The following ZBTB17 variants were observed in gnomAD, a reference collection of about 807,000 sequenced individuals.
ZBTB17 encodes the protein zinc finger and BTB domain containing 17.
ZBTB17 carries 24 observed loss-of-function variants against 85.1 expected under a neutral mutation model. The observed-to-expected ratio is 0.28, with a 90% CI of 0.20 to 0.40. ZBTB17 has a LOEUF of 0.40. Among genes scored for constraint, ZBTB17 ranks in the 10% least tolerant of loss-of-function variants. The probability of loss-of-function intolerance (pLI) is 1.00; values close to 1 mark genes in which losing one functional copy is unlikely to be tolerated. For missense variants in ZBTB17, 743 were observed against 1,105.1 expected (o/e 0.67, Z 4.65); for synonymous variants, 464 against 460.2 (o/e 1.01, Z -0.11).
rs1255813867 is a variant in ZBTB17, at chr1:15,964,437, G to A, written c.-3+8602C>T. ...AAATGTAATCTAACATGACAATGGG[G>A]CCAGGCAAGATGGCTCACGCCTGTA... On this transcript the variant is annotated intron_variant, in intron 2 of 15. Coordinates refer to ENST00000375743, the MANE Select transcript of ZBTB17 (RefSeq NM_003443.3). The surrounding 1 kb of genome is among the most constrained non-coding windows in gnomAD (Gnocchi z 4.3). Among the ~76,000 whole-genome samples the A allele has an allele frequency of 2.0e-5, 3 of 152,360 alleles. No homozygotes were observed. The highest frequency in any genetic ancestry group is 2.0e-4 in the Admixed American group (3 of 15,310).
chr1:15,956,168 A>T (rs960694723), intron 2 of ZBTB17, among the ~76,000 whole-genome samples: 24 of 152,348 alleles, frequency 1.6e-4, no homozygotes, highest in African/African-American at 5.5e-4. Flanking sequence ...CAAGGCACAC[A>T]CACCCATCAG....
rs534017413 is a variant in ZBTB17, at chr1:15,964,942, C to T, written c.-3+8097G>A. ...CAGCCTGGCCAAGATGCTGAAACCC[C>T]GTCTACTAAAAATAAAAAAAAATTA... On this transcript the variant is annotated intron_variant, in intron 2 of 15. Transcript: ENST00000375743. This position sits in a 1 kb window ranked among gnomAD's most constrained non-coding sequence, Gnocchi z 4.3. Among the ~76,000 whole-genome samples, 18 of 151,810 alleles carry T rather than the reference C, an allele frequency of 1.2e-4. No homozygotes were observed. Among genetic ancestry groups the T allele is most frequent in the African/African-American group, 4.1e-4 (17 of 41,382 alleles).
At chr1:15,972,186 G>A (rs925195642) in intron 2 of ZBTB17, among the ~76,000 whole-genome samples, 2 of 152,172 alleles carry the variant, frequency 1.3e-5, no homozygotes, top group African/African-American at 2.4e-5. Context: ...ACCTGCTCCC[G>A]GGATTCAGTC....
intron 2 of ZBTB17, among the ~76,000 whole-genome samples, chr1:15,956,049 T>A (rs1210025488): frequency 3.3e-5 from 5 of 152,228 alleles, no homozygotes; most frequent in African/African-American, 1.2e-4. Context: ...ACTGTGCTAG[T>A]ACGCATACCA....
intron 6 of ZBTB17, among the ~76,000 whole-genome samples, chr1:15,945,431 G>A (rs1169966056): frequency 1.3e-5 from 2 of 152,234 alleles, no homozygotes; most frequent in African/African-American, 2.4e-5. Flanking sequence ...TGCCGTGGGT[G>A]GCAAGGCACC....
intron 2 of ZBTB17, among the ~76,000 whole-genome samples, chr1:15,950,265 C>T (rs2071784597): frequency 6.6e-6 from 1 of 152,224 alleles, no homozygotes. Context: ...TGAAGGAACG[C>T]AAGGGAGAAT....
rs1282868203 is a variant in ZBTB17 at position 15,942,536 on chromosome 1, C to G, written c.2031G>C (p.Gln677His). Reference protein sequence around the residue: ...TEALAATAVTQLTVVPVGAAV... With the variant: ...TEALAATAVTHLTVVPVGAAV... Reference sequence around the variant, plus strand: ...GCTGCCCACAGCCCGCACCTGTGAGCTGAGTGACGGCTGTCGCTGCCAGTG... The same window carrying G: ...GCTGCCCACAGCCCGCACCTGTGAGGTGAGTGACGGCTGTCGCTGCCAGTG... Residue 677 changes from glutamine (Q) to histidine (H), a missense_variant, in exon 14 of 16, where the codon CAG becomes CAC. By Grantham distance (24) the Gln-to-His change is conservative (BLOSUM62 0). Coordinates refer to ENST00000375743, the MANE Select transcript of ZBTB17 (RefSeq NM_003443.3). 1.9e-6 allele frequency: 3 copies of G among 1,610,862 alleles called. No individual in the cohort carries two copies. The highest frequency in any genetic ancestry group is 2.5e-6 in the Non-Finnish European group (3 of 1,179,972).
intron 5 of ZBTB17, 79 bp from the exon 6 acceptor site, chr1:15,945,919 G>A: frequency 1.3e-6 from 2 of 1,565,152 alleles, no homozygotes; most frequent in Non-Finnish European, 1.7e-6. Context: ...CAGCGCGCTG[G>A]TGGTGGCTGC....
At chr1:15,944,116 C>T (rs2071480873) in intron 9 of ZBTB17, 184 bp downstream of exon 9, 2 of 1,093,620 alleles carry the variant, frequency 1.8e-6, no homozygotes, top group African/African-American at 3.1e-5. Context: ...TCGGCCTGCC[C>T]TCCGCAGAGC....
chr1:15,943,982 ACT>A (rs1375265865), intron 9 of ZBTB17, 87 bp from the exon 10 acceptor site: 1 of 1,317,732 alleles, frequency 7.6e-7, no homozygotes, highest in Non-Finnish European at 1.1e-6. Context: ...GGAACAATTG[ACT>A]CTCAGGCTTG....
intron 2 of ZBTB17, among the ~76,000 whole-genome samples, chr1:15,957,561 G>T (rs2072095113): frequency 2.6e-5 from 4 of 152,246 alleles, no homozygotes; most frequent in Admixed American, 2.0e-4. Context: ...TGCCTTGGGA[G>T]TGACGAAGAG....
Position 15,953,836 on chromosome 1 carries a change from G to A in ZBTB17, c.-2-5339C>T, listed in dbSNP as rs1226029949. Among the ~76,000 whole-genome samples, 1 of 152,214 alleles carries A rather than the reference G, an allele frequency of 6.6e-6. No individual in the cohort carries two copies. Among genetic ancestry groups the A allele is most frequent in the African/African-American group, 2.4e-5 (1 of 41,442 alleles). The stretch of plus-strand genomic sequence containing the variant: ...TGACAGGATTAAATTAAGTAACATA[G>A]GTCAAGACCCTGTACAGAGCCTGGC... On this transcript the variant is annotated intron_variant, in intron 2 of 15. Transcript: ENST00000375743. This position sits in a 1 kb window ranked among gnomAD's most constrained non-coding sequence, Gnocchi z 5.1.
At chr1:15,945,339 T>TG in intron 6 of ZBTB17, 137 bp from the exon 7 acceptor site, 1 of 1,437,242 alleles carries the variant, frequency 7.0e-7, no homozygotes, top group African/African-American at 1.4e-5. Context: ...GCCTGTGAAC[T>TG]GGGTATTTGC....
At chr1:15,949,964 G>A (rs1443168801) in intron 2 of ZBTB17, among the ~76,000 whole-genome samples, 5 of 152,228 alleles carry the variant, frequency 3.3e-5, no homozygotes, top group Non-Finnish European at 5.9e-5. Context: ...CAAGTTCAGC[G>A]TTGCTGCTGC....
chr1:15,943,944 G>A (rs755440601), intron 9 of ZBTB17, 49 bp from the exon 10 acceptor site: 81 of 1,528,054 alleles, frequency 5.3e-5, no homozygotes, highest in African/African-American at 3.4e-4. Context: ...GCTCGGCCCC[G>A]GGCCCCCTCA....
intron 2 of ZBTB17, among the ~76,000 whole-genome samples, chr1:15,962,867 G>C (rs2148801043): frequency 6.6e-6 from 1 of 152,242 alleles, no homozygotes; most frequent in Non-Finnish European, 1.5e-5. Flanking sequence ...CTTGAGGCCG[G>C]GAGTTCAAGG....
chr1:15,961,641 C>T (rs1393454889), intron 2 of ZBTB17, among the ~76,000 whole-genome samples: 1 of 152,206 alleles, frequency 6.6e-6, no homozygotes, highest in Non-Finnish European at 1.5e-5. Context: ...CAACAAACAG[C>T]GCTGCTGACC....
intron 2 of ZBTB17, among the ~76,000 whole-genome samples, chr1:15,958,771 C>T (rs1020485288): frequency 1.3e-5 from 2 of 152,164 alleles, no homozygotes; most frequent in East Asian, 3.8e-4. Flanking sequence ...GCAAGAAAGA[C>T]CTTTGGGCAG....
intron 2 of ZBTB17, among the ~76,000 whole-genome samples, chr1:15,957,858 C>T (rs769761558): frequency 1.6e-4 from 25 of 152,108 alleles, no homozygotes; most frequent in Non-Finnish European, 2.8e-4. Flanking sequence ...GGCCCAGTGG[C>T]GGTGCCGCTT....
Sources: gnomAD v4.1 joint callset for allele counts (sites outside exome capture counted in the v4.1 genomes callset) on GRCh38, gnomAD v4.1.1 for gene constraint, Gnocchi (gnomAD v3.1) non-coding constraint, MANE v1.5 for transcripts, NCBI Gene and HGNC (gene_info 2026-07-23, HGNC 2026-07-21) for gene names.